The following ARSG variants were observed in gnomAD, a reference collection of about 807,000 sequenced individuals.
ARSG encodes the protein arylsulfatase G, also known as ASG.
A neutral mutation model predicts 50.5 loss-of-function variants in ARSG; 37 were observed. That is an observed-to-expected ratio of 0.73 (90% CI 0.56 to 0.96). ARSG has a LOEUF of 0.96. Among genes scored for constraint, ARSG ranks in the 50% least tolerant of loss-of-function variants. The pLI is 0.00. For synonymous variants in ARSG, 225 were observed against 254.6 expected (o/e 0.88, Z 1.11); for missense variants, 629 against 675.3 (o/e 0.93, Z 0.76).
the ARSG span, among the ~76,000 whole-genome samples, chr17:68,437,543 T>C: frequency 1.3e-5 from 2 of 150,634 alleles, no homozygotes; most frequent in African/African-American, 4.9e-5. Flanking sequence ...GAGAGTGAGG[T>C]TCTGTCTTAA....
chr17:68,315,270 G>C (rs2077026996), intron 2 of ARSG, among the ~76,000 whole-genome samples: 1 of 152,132 alleles, frequency 6.6e-6, no homozygotes. Context: ...GGCCAGGCGT[G>C]GTGGTTCACA....
At chr17:68,435,918 C>G in the ARSG span, among the ~76,000 whole-genome samples, 1 of 152,252 alleles carries the variant, frequency 6.6e-6, no homozygotes, top group African/African-American at 2.4e-5. Flanking sequence ...ATTTCCATCC[C>G]TTTTCCTGCC....
At chr17:68,269,890 C>G (rs1413813444) in intron 1 of ARSG, among the ~76,000 whole-genome samples, 20 of 151,952 alleles carry the variant, frequency 1.3e-4, no homozygotes, top group Admixed American at 3.9e-4. Context: ...CCAGGCTGGT[C>G]TGGAACTCCT....
the ARSG span, among the ~76,000 whole-genome samples, chr17:68,441,680 G>A: frequency 6.6e-6 from 1 of 152,136 alleles, no homozygotes; most frequent in Non-Finnish European, 1.5e-5. Flanking sequence ...CTGACTGCCC[G>A]CATGGACAGG....
At chr17:68,402,077 C>A (rs1413692321) in intron 11 of ARSG, among the ~76,000 whole-genome samples, 3 of 152,182 alleles carry the variant, frequency 2.0e-5, no homozygotes, top group South Asian at 2.1e-4. Context: ...TCCTTTTAAG[C>A]CTTTATGGCC....
chr17:68,311,423 C>T (rs1449040449), intron 2 of ARSG, among the ~76,000 whole-genome samples: 1 of 152,198 alleles, frequency 6.6e-6, no homozygotes, highest in Non-Finnish European at 1.5e-5. Flanking sequence ...CTGACCACTA[C>T]ATTGGGTTGA....
At chr17:68,315,108 C>T (rs746945865) in intron 2 of ARSG, among the ~76,000 whole-genome samples, 3 of 152,192 alleles carry the variant, frequency 2.0e-5, no homozygotes, top group Non-Finnish European at 4.4e-5. Flanking sequence ...AAGTAACACG[C>T]CCAGAGTTGG....
the ARSG span, among the ~76,000 whole-genome samples, chr17:68,436,784 G>A: frequency 1.3e-5 from 2 of 152,080 alleles, no homozygotes; most frequent in East Asian, 3.9e-4. Flanking sequence ...ATCACTTGAG[G>A]TCAGGAGTTC....
intron 10 of ARSG, among the ~76,000 whole-genome samples, chr17:68,397,284 T>C (rs1170813883): frequency 6.6e-6 from 1 of 152,068 alleles, no homozygotes; most frequent in Non-Finnish European, 1.5e-5. Context: ...TCAGGACTGA[T>C]TTGCTCCCTA....
At chr17:68,449,111 G>A in the ARSG span, among the ~76,000 whole-genome samples, 3 of 152,310 alleles carry the variant, frequency 2.0e-5, no homozygotes, top group Admixed American at 6.5e-5. Flanking sequence ...GTACTTAAGA[G>A]TTTAGACAAA....
At chr17:68,443,169 G>A in the ARSG span, among the ~76,000 whole-genome samples, 2 of 152,100 alleles carry the variant, frequency 1.3e-5, no homozygotes, top group African/African-American at 2.4e-5. Flanking sequence ...GGAGTGCAGT[G>A]GTGCGATCTC....
chr17:68,322,032 A>G (rs1555770754), intron 2 of ARSG, among the ~76,000 whole-genome samples: 1 of 152,220 alleles, frequency 6.6e-6, no homozygotes, highest in African/African-American at 2.4e-5. Flanking sequence ...AGCGTCTCCA[A>G]AGAATTGCAA....
intron 1 of ARSG, among the ~76,000 whole-genome samples, chr17:68,284,195 G>GT (rs1797075490): frequency 6.6e-6 from 1 of 151,356 alleles, no homozygotes; most frequent in Non-Finnish European, 1.5e-5. Flanking sequence ...GAGGTCAGGA[G>GT]TTTGAGACCA....
chr17:68,378,576 C>G lies in ARSG; in HGVS notation c.983-6488C>G, dbSNP rs1222261592. Among the ~76,000 whole-genome samples, 4 of 152,120 alleles carry G rather than the reference C, an allele frequency of 2.6e-5. No homozygotes were observed. Among genetic ancestry groups the G allele is most frequent in the South Asian group, 4.1e-4 (2 of 4,830 alleles). ...TGCCTTCTCCCGAAGAAGAAGGGCACGAGTCAGACACCCCTGCTGTCTCTG... is the reference window on the plus strand; with the variant it reads ...TGCCTTCTCCCGAAGAAGAAGGGCAGGAGTCAGACACCCCTGCTGTCTCTG... On this transcript the variant is annotated intron_variant, in intron 8 of 11. Coordinates refer to ENST00000621439, the MANE Select transcript of ARSG (RefSeq NM_001267727.2). This position sits in a 1 kb window ranked among gnomAD's most constrained non-coding sequence, Gnocchi z 4.4.
intron 9 of ARSG, among the ~76,000 whole-genome samples, chr17:68,385,940 G>A (rs528334309): frequency 6.6e-6 from 1 of 152,266 alleles, no homozygotes; most frequent in East Asian, 1.9e-4. Flanking sequence ...CAGGCCATTA[G>A]GGAAATAATG....
the ARSG span, among the ~76,000 whole-genome samples, chr17:68,451,113 C>T: frequency 5.3e-5 from 8 of 152,352 alleles, no homozygotes; most frequent in African/African-American, 1.9e-4. Context: ...CTTTCAGAGT[C>T]CTTTCCAAAT....
the ARSG span, chr17:68,434,739 G>T: frequency 9.6e-7 from 1 of 1,042,458 alleles, no homozygotes; most frequent in Non-Finnish European, 1.4e-6. Flanking sequence ...TGAGGAGGAA[G>T]AACACCACGT....
chr17:68,402,058 A>G (rs550978169), intron 11 of ARSG, among the ~76,000 whole-genome samples: 149 of 152,292 alleles, frequency 9.8e-4, no homozygotes, highest in Non-Finnish European at 1.9e-3. Context: ...CTTGGTCTCC[A>G]TATTAAAATC....
chr17:68,299,097 G>T (rs2076314769), intron 1 of ARSG, among the ~76,000 whole-genome samples: 1 of 138,404 alleles, frequency 7.2e-6, no homozygotes, highest in Admixed American at 7.7e-5. Flanking sequence ...GAAAAAAATT[G>T]AACTTTTTTT....
Sources: gnomAD v4.1 joint callset for allele counts (sites outside exome capture counted in the v4.1 genomes callset) on GRCh38, gnomAD v4.1.1 for gene constraint, Gnocchi (gnomAD v3.1) non-coding constraint, MANE v1.5 for transcripts, NCBI Gene and HGNC (gene_info 2026-07-23, HGNC 2026-07-21) for gene names.